Variants in MYO3B observed in about 807,000 individuals in gnomAD.
The protein encoded by MYO3B is myosin-IIIb.
MYO3B carries 156 observed loss-of-function variants against 174.6 expected under a neutral mutation model. That is an observed-to-expected ratio of 0.89 (90% CI 0.78 to 1.02). The LOEUF is 1.02. Ranked by LOEUF, MYO3B falls within the 50% of genes least tolerant of loss-of-function variation. The pLI is 0.00. For synonymous variants in MYO3B, 563 were observed against 569.1 expected (o/e 0.99, Z 0.15); for missense variants, 1,632 against 1,639.4 (o/e 1.00, Z 0.08).
intron 9 of MYO3B, among the ~76,000 whole-genome samples, chr2:170,379,445 G>A (rs1263837195): frequency 6.6e-6 from 1 of 152,126 alleles, no homozygotes; most frequent in Non-Finnish European, 1.5e-5. Context: ...CACCCGCCTT[G>A]GCCGCCCAAA....
chr2:170,491,476 A>G (rs1575066452), intron 25 of MYO3B, among the ~76,000 whole-genome samples: 1 of 151,916 alleles, frequency 6.6e-6, no homozygotes, highest in Non-Finnish European at 1.5e-5. Context: ...GACAGGCTGG[A>G]GTGCAGTGGC....
At chr2:170,649,463 C>T (rs1209022693) in intron 32 of MYO3B, among the ~76,000 whole-genome samples, 2 of 111,878 alleles carry the variant, frequency 1.8e-5, no homozygotes, top group Admixed American at 1.1e-4. Context: ...ATATATAATA[C>T]ATATTTTTTT....
intron 7 of MYO3B, among the ~76,000 whole-genome samples, chr2:170,253,625 G>T (rs978469594): frequency 1.3e-5 from 2 of 152,118 alleles, no homozygotes; most frequent in Non-Finnish European, 2.9e-5. Flanking sequence ...GTGTAAAGAA[G>T]ACGAGAGCTC....
At chr2:170,403,327 AC>A (rs1375130751) in intron 19 of MYO3B, among the ~76,000 whole-genome samples, 2 of 152,162 alleles carry the variant, frequency 1.3e-5, no homozygotes, top group African/African-American at 4.8e-5. Flanking sequence ...GACACAGATG[AC>A]CTTGAATTCG....
At chr2:170,469,732 C>A (rs2105976827) in intron 25 of MYO3B, among the ~76,000 whole-genome samples, 1 of 152,272 alleles carries the variant, frequency 6.6e-6, no homozygotes, top group Admixed American at 6.5e-5. Context: ...TCTCCCATAG[C>A]TTTAGTCCAG....
intron 32 of MYO3B, among the ~76,000 whole-genome samples, chr2:170,595,113 A>ACC (rs138740018): frequency 6.6e-5 from 10 of 151,982 alleles, no homozygotes; most frequent in Middle Eastern, 3.4e-3. Context: ...TAAGTTACTT[A>ACC]CCCCCCCACA....
At chr2:170,648,116 C>A (rs1698520780) in intron 32 of MYO3B, 1 of 152,220 alleles carries the variant, frequency 6.6e-6, no homozygotes, top group Non-Finnish European at 1.5e-5. Context: ...GCTTCACATT[C>A]TACCATATTG....
chr2:170,481,768 G>T (rs1278556700), intron 25 of MYO3B, among the ~76,000 whole-genome samples: 2 of 152,090 alleles, frequency 1.3e-5, no homozygotes, highest in African/African-American at 4.8e-5. Context: ...GCTTCTCTGG[G>T]AGGGTCTTTA....
chr2:170,526,228 G>A (rs536525270), intron 30 of MYO3B, among the ~76,000 whole-genome samples: 1 of 152,252 alleles, frequency 6.6e-6, no homozygotes, highest in African/African-American at 2.4e-5. Flanking sequence ...GGGAATAATT[G>A]GGAGGACTGG....
intron 22 of MYO3B, among the ~76,000 whole-genome samples, chr2:170,432,651 A>G (rs1380859283): frequency 6.6e-6 from 1 of 150,536 alleles, no homozygotes; most frequent in Non-Finnish European, 1.5e-5. Flanking sequence ...ATCTCGGCTC[A>G]CTGCAAGCTC....
chr2:170,625,115 T>G (rs1696294825), intron 32 of MYO3B, among the ~76,000 whole-genome samples: 2 of 152,220 alleles, frequency 1.3e-5, no homozygotes, highest in African/African-American at 4.8e-5. Context: ...CTTTTTCCAT[T>G]GATTGGAATA....
intron 6 of MYO3B, among the ~76,000 whole-genome samples, chr2:170,219,419 A>G (rs1314066753): frequency 6.6e-6 from 1 of 152,164 alleles, no homozygotes; most frequent in Non-Finnish European, 1.5e-5. Flanking sequence ...CGACGCAGGC[A>G]GATCATTTGA....
intron 6 of MYO3B, among the ~76,000 whole-genome samples, chr2:170,231,394 G>C (rs2093014366): frequency 6.6e-6 from 1 of 152,224 alleles, no homozygotes; most frequent in Non-Finnish European, 1.5e-5. Flanking sequence ...TGGCAGCTAA[G>C]GTGGTAATGA....
intron 7 of MYO3B, among the ~76,000 whole-genome samples, chr2:170,324,787 G>A (rs2093853487): frequency 6.6e-6 from 1 of 152,216 alleles, no homozygotes; most frequent in African/African-American, 2.4e-5. Flanking sequence ...AGGAAAGAAC[G>A]CTCTTGCAGG....
chr2:170,467,769 T>C (rs1341860978), intron 25 of MYO3B, among the ~76,000 whole-genome samples: 1 of 150,758 alleles, frequency 6.6e-6, no homozygotes, highest in African/African-American at 2.4e-5. Context: ...GTAGCTTGCT[T>C]TGTCACGTCT....
chr2:170,358,018 G>A (rs2094135187), intron 8 of MYO3B, among the ~76,000 whole-genome samples: 1 of 151,988 alleles, frequency 6.6e-6, no homozygotes, highest in Admixed American at 6.6e-5. Flanking sequence ...CAGGTGCGGT[G>A]GGGAGCGCCT....
chr2:170,597,763 A>C (rs762461094), intron 32 of MYO3B, among the ~76,000 whole-genome samples: 1 of 152,210 alleles, frequency 6.6e-6, no homozygotes, highest in Non-Finnish European at 1.5e-5. Context: ...AATATCTATT[A>C]TTAGTGCCTC....
intron 8 of MYO3B, among the ~76,000 whole-genome samples, chr2:170,360,189 T>G (rs935904159): frequency 1.3e-5 from 2 of 152,134 alleles, no homozygotes; most frequent in Non-Finnish European, 2.9e-5. Flanking sequence ...CTTCTCCTTG[T>G]AGGGAGAAGA....
intron 23 of MYO3B, among the ~76,000 whole-genome samples, chr2:170,457,531 C>G (rs1683975604): frequency 1.3e-5 from 2 of 152,052 alleles, no homozygotes; most frequent in Admixed American, 1.3e-4. Flanking sequence ...CCAACACATA[C>G]ATTAGCCTAG....
Sources: gnomAD v4.1 joint callset for allele counts (sites outside exome capture counted in the v4.1 genomes callset) on GRCh38, gnomAD v4.1.1 for gene constraint, MANE v1.5 for transcripts, NCBI Gene and HGNC (gene_info 2026-07-23, HGNC 2026-07-21) for gene names.